The following PHACTR2 variants were observed in gnomAD, a reference collection of about 807,000 sequenced individuals.
PHACTR2 encodes chromosome 6 open reading frame 56.
A neutral mutation model predicts 76.0 loss-of-function variants in PHACTR2; 30 were observed. The ratio of observed to expected loss-of-function variants is 0.39; its 90% CI spans 0.30 to 0.54. The LOEUF (loss-of-function observed/expected upper bound fraction) is 0.54, where lower values mean the gene tolerates loss of function less well. Ranked by LOEUF, PHACTR2 falls within the 20% of genes least tolerant of loss-of-function variation. PHACTR2 has a pLI of 0.61. For missense variants in PHACTR2, 696 were observed against 781.1 expected (o/e 0.89, Z 1.30); for synonymous variants, 292 against 292.5 (o/e 1.00, Z 0.02).
At position 143,678,457 on chromosome 6, in the gene PHACTR2, T is replaced by C. The variant is rs1582762252; in HGVS notation, c.46+248T>C. 6.6e-6 allele frequency among the ~76,000 whole-genome samples: 1 copy of C among 152,208 alleles called. No individual in the cohort carries two copies. The highest frequency in any genetic ancestry group is 2.1e-4 in the South Asian group (1 of 4,816). ...TGTGCGCGATGCCTCGCTGTGGTTT[T>C]TTATCCAAATTATTTCGGAGCCAGA... On this transcript the variant is annotated intron_variant, in intron 1 of 12. Transcript: ENST00000440869. This position sits in a 1 kb window ranked among gnomAD's most constrained non-coding sequence, Gnocchi z 6.2.
chr6:143,730,741 A>T lies in PHACTR2; in HGVS notation c.215-18244A>T, dbSNP rs976834029. ...TCATTAAGTATGATGTTGGTGTAAG[A>T]TTTTTTGTGTGTGTTTGTTTGTTTG... On this transcript the variant is annotated intron_variant, in intron 2 of 12. Transcript: ENST00000440869. The surrounding 1 kb of genome is among the most constrained non-coding windows in gnomAD (Gnocchi z 4.8). Among the ~76,000 whole-genome samples the T allele has an allele frequency of 2.0e-5, 3 of 151,950 alleles. No homozygotes were observed. Among genetic ancestry groups the T allele is most frequent in the Non-Finnish European group, 4.4e-5 (3 of 67,976 alleles).
intron 1 of PHACTR2, among the ~76,000 whole-genome samples, chr6:143,584,711 A>T (rs893287849): frequency 1.3e-5 from 2 of 152,122 alleles, no homozygotes; most frequent in African/African-American, 4.8e-5. Flanking sequence ...CACACACAAA[A>T]CTTGGCCCAG....
chr6:143,812,109 G>T (rs1474132845), intron 12 of PHACTR2, among the ~76,000 whole-genome samples: 1 of 152,016 alleles, frequency 6.6e-6, no homozygotes, highest in African/African-American at 2.4e-5. Flanking sequence ...CTCTTCTCGG[G>T]CACCTCTTTA....
intron 3 of PHACTR2, among the ~76,000 whole-genome samples, chr6:143,749,540 A>G (rs1475989532): frequency 2.0e-5 from 3 of 152,222 alleles, no homozygotes; most frequent in Admixed American, 1.3e-4. Context: ...TGAAATGTAC[A>G]ATCAATAAAG....
Position 143,561,716 on chromosome 6 carries a change from G to A in PHACTR2, c.217+24509G>A, listed in dbSNP as rs901876005. On this transcript the variant is annotated intron_variant, in intron 1 of 11. Coordinates refer to the PHACTR2 transcript ENST00000367584. The surrounding 1 kb of genome is among the most constrained non-coding windows in gnomAD (Gnocchi z 4.1). ...GAAAGACGTTTGAGGGGAGTGGAAGGACAGGAATGGAGACTCCCAAACTCA... is the reference window on the plus strand; with the variant it reads ...GAAAGACGTTTGAGGGGAGTGGAAGAACAGGAATGGAGACTCCCAAACTCA... 1.3e-5 allele frequency among the ~76,000 whole-genome samples: 2 copies of A among 152,176 alleles called. No individual in the cohort carries two copies. The highest frequency in any genetic ancestry group is 2.4e-5 in the African/African-American group (1 of 41,454).
At chr6:143,685,492 G>A (rs1777492120) in intron 1 of PHACTR2, among the ~76,000 whole-genome samples, 1 of 151,986 alleles carries the variant, frequency 6.6e-6, no homozygotes, top group African/African-American at 2.4e-5. Flanking sequence ...TATGGGCCAG[G>A]AACTACTCTA....
chr6:143,777,335 A>C lies in PHACTR2; in HGVS notation c.1597A>C (p.Ser533Arg). 1 of 1,597,016 alleles carries C rather than the reference A, an allele frequency of 6.3e-7. No individual in the cohort carries two copies. The part of the protein sequence containing the change: ...QIGTKLVRRL[S>R]QRPTTEELEQ... ...TCCTTTTTGTCATCATAGGAGGCTG[A>C]GCCAGAGGCCCACAACTGAAGAATT... The change falls in exon 9 of 13, where the codon AGC becomes CGC. Residue 533 changes from serine (S) to arginine (R), a missense_variant. Ser to Arg is a moderately radical substitution (Grantham distance 110). Coordinates refer to ENST00000440869, the MANE Select transcript of PHACTR2 (RefSeq NM_001100164.2). This position sits in a 1 kb window ranked among gnomAD's most constrained non-coding sequence, Gnocchi z 4.6.
chr6:143,538,093 TACACACAC>T (rs34308001), intron 1 of PHACTR2, among the ~76,000 whole-genome samples: 1 of 150,562 alleles, frequency 6.6e-6, no homozygotes, highest in South Asian at 2.1e-4. Context: ...GACTCCGTCT[TACACACAC>T]ACACACACAC....
chr6:143,628,030 G>A (rs1418346862), intron 1 of PHACTR2, among the ~76,000 whole-genome samples: 2 of 152,074 alleles, frequency 1.3e-5, no homozygotes, highest in African/African-American at 4.8e-5. Flanking sequence ...TCTTATAAAT[G>A]GAATCATAAA....
At chr6:143,676,396 T>C (rs746890689), upstream of PHACTR2, among the ~76,000 whole-genome samples, 14 of 152,232 alleles carry the variant, frequency 9.2e-5, no homozygotes, top group Non-Finnish European at 1.3e-4. The surrounding 1 kb of genome is among the most constrained non-coding windows in gnomAD (Gnocchi z 4.8). Context: ...TTAACTTTTA[T>C]CAGTATTTAA....
upstream of PHACTR2, among the ~76,000 whole-genome samples, chr6:143,607,382 G>A (rs1394749512): frequency 4.6e-5 from 7 of 152,216 alleles, no homozygotes; most frequent in Non-Finnish European, 8.8e-5. Flanking sequence ...GACAGCGTAA[G>A]CAGTTTTTGG....
rs1427341019 is a variant in PHACTR2, at chr6:143,738,751, G to A, written c.215-10234G>A. Among the ~76,000 whole-genome samples, 3 of 151,134 alleles carry A rather than the reference G, an allele frequency of 2.0e-5. No individual in the cohort carries two copies. The highest frequency in any genetic ancestry group is 2.0e-4 in the East Asian group (1 of 5,114). ...AGCCTGGGTGATAGAGCAGGACCTT[G>A]TCTCAAAAAAAAAAGAAAGAAAGAA... On this transcript the variant is annotated intron_variant, in intron 2 of 12. Coordinates refer to ENST00000440869, the MANE Select transcript of PHACTR2 (RefSeq NM_001100164.2). This position sits in a 1 kb window ranked among gnomAD's most constrained non-coding sequence, Gnocchi z 4.0.
At chr6:143,706,728 G>C (rs186009642) in intron 1 of PHACTR2, among the ~76,000 whole-genome samples, 1 of 152,272 alleles carries the variant, frequency 6.6e-6, no homozygotes, top group East Asian at 1.9e-4. Flanking sequence ...GACCCAATCT[G>C]CTGTAAACTC....
intron 1 of PHACTR2, among the ~76,000 whole-genome samples, chr6:143,705,328 T>G (rs1316553156): frequency 6.9e-6 from 1 of 144,184 alleles, no homozygotes; most frequent in Non-Finnish European, 1.5e-5. Flanking sequence ...GGAGTCTTGC[T>G]CTGTAGCCCA....
intron 1 of PHACTR2, among the ~76,000 whole-genome samples, chr6:143,612,800 C>T (rs1775998920): frequency 7.4e-6 from 1 of 134,758 alleles, no homozygotes; most frequent in African/African-American, 2.7e-5. Flanking sequence ...AAAAGAAACT[C>T]ATTCTTATCC....
Position 143,809,569 on chromosome 6 carries a change from G to A in PHACTR2, c.1922+2436G>A, listed in dbSNP as rs917673245. ...TAATATATTCTAATTAAGCATTCAAGCAATACAAAATTCTATTAAGTATAA... is the reference window on the plus strand; with the variant it reads ...TAATATATTCTAATTAAGCATTCAAACAATACAAAATTCTATTAAGTATAA... On this transcript the variant is annotated intron_variant, in intron 12 of 12. Coordinates refer to ENST00000440869, the MANE Select transcript of PHACTR2 (RefSeq NM_001100164.2). This position sits in a 1 kb window ranked among gnomAD's most constrained non-coding sequence, Gnocchi z 4.2. Among the ~76,000 whole-genome samples the A allele has an allele frequency of 2.0e-5, 3 of 152,104 alleles. No individual in the cohort carries two copies. The highest frequency in any genetic ancestry group is 2.0e-4 in the Admixed American group (3 of 15,268).
rs1389371248 is a variant in PHACTR2 at position 143,683,895 on chromosome 6, A to G, written c.46+5686A>G. 6.6e-6 allele frequency among the ~76,000 whole-genome samples: 1 copy of G among 152,124 alleles called. No homozygotes were observed. The highest frequency in any genetic ancestry group is 1.5e-5 in the Non-Finnish European group (1 of 68,030). On this transcript the variant is annotated intron_variant, in intron 1 of 12. Coordinates refer to ENST00000440869, the MANE Select transcript of PHACTR2 (RefSeq NM_001100164.2). The surrounding 1 kb of genome is among the most constrained non-coding windows in gnomAD (Gnocchi z 4.1). ...CATTCCACACAGTTTTCATTCATAG[A>G]TATATCTTTATCAGCAGTCAAACAA...
chr6:143,714,185 TAATC>T lies in PHACTR2; in HGVS notation c.214+2006_214+2009del, dbSNP rs200623795. ...ATGATCAGGGCCATTTGCTGTCTGA[TAATC>T]AATGAAGTACACCTTAGGCCAGACC... On this transcript the variant is annotated intron_variant, in intron 2 of 12. Transcript: ENST00000440869. Among the ~76,000 whole-genome samples, 18 of 152,330 alleles carry T rather than the reference TAATC, an allele frequency of 1.2e-4. 1 individual carries two copies. In the East Asian group the frequency reaches 1.9e-3, roughly 16 times the overall value.
chr6:143,820,896 A>G lies in PHACTR2; in HGVS notation c.1923-2778A>G, dbSNP rs746386649. Among the ~76,000 whole-genome samples the G allele has an allele frequency of 6.6e-6, 1 of 152,192 alleles. No homozygotes were observed. The highest frequency in any genetic ancestry group is 1.5e-5 in the Non-Finnish European group (1 of 68,038). Reference sequence around the variant, plus strand: ...CATGTATCCCCTGAAATCTAGGTGGAGTGTCTGAAGCTTCCATCACTTTTG... The same window carrying G: ...CATGTATCCCCTGAAATCTAGGTGGGGTGTCTGAAGCTTCCATCACTTTTG... On this transcript the variant is annotated intron_variant, in intron 12 of 12. Coordinates refer to ENST00000440869, the MANE Select transcript of PHACTR2 (RefSeq NM_001100164.2). The surrounding 1 kb of genome is among the most constrained non-coding windows in gnomAD (Gnocchi z 4.2).
Sources: allele counts gnomAD v4.1 joint callset (sites outside exome capture counted in the v4.1 genomes callset), GRCh38; gene constraint gnomAD v4.1.1; non-coding constraint Gnocchi (gnomAD v3.1); transcripts MANE v1.5; gene names NCBI Gene and HGNC (gene_info 2026-07-23, HGNC 2026-07-21).